COL6A5: variants seen among roughly 807,000 people sequenced by gnomAD.
The protein encoded by COL6A5 is collagen type VI alpha 5 chain.
Under a neutral mutation model 65.6 loss-of-function variants are expected in COL6A5, and 48 were observed. The ratio of observed to expected loss-of-function variants is 0.73; its 90% CI spans 0.58 to 0.93. The LOEUF is 0.93. COL6A5 is among the 40% of genes least tolerant of loss of function. The pLI is 0.00. For synonymous variants in COL6A5, 291 were observed against 322.8 expected (o/e 0.90, Z 1.05); for missense variants, 914 against 928.3 (o/e 0.98, Z 0.20).
At chr3:130,426,803 A>G (rs1406088213), upstream of COL6A5, among the ~76,000 whole-genome samples, 1 of 151,904 alleles carries the variant, frequency 6.6e-6, no homozygotes, top group Non-Finnish European at 1.5e-5. Flanking sequence ...CATGGGGGTA[A>G]CTGAATCCAG....
At chr3:130,434,981 T>A (rs1373711613) in intron 1 of COL6A5, among the ~76,000 whole-genome samples, 3 of 152,224 alleles carry the variant, frequency 2.0e-5, no homozygotes, top group Non-Finnish European at 4.4e-5. Flanking sequence ...TCGTTGCAAC[T>A]GCTTTTGGTG....
At chr3:130,363,625 G>C (rs1416461226) in intron 1 of COL6A5, among the ~76,000 whole-genome samples, 1 of 152,188 alleles carries the variant, frequency 6.6e-6, no homozygotes, top group African/African-American at 2.4e-5. Context: ...GTGCTGTGGT[G>C]TATTTAAAAA....
chr3:130,426,192 G>A, intron 29 of COL6A5, 22 bp from the exon 30 acceptor site: 1 of 1,550,370 alleles, frequency 6.5e-7, no homozygotes, highest in Non-Finnish European at 8.7e-7. Flanking sequence ...CCACTAACTT[G>A]CTCTGTTTTT....
At chr3:130,465,757 A>G (rs1392327901) in intron 5 of COL6A5, among the ~76,000 whole-genome samples, 1 of 152,084 alleles carries the variant, frequency 6.6e-6, no homozygotes, top group Non-Finnish European at 1.5e-5. Context: ...CCAAACCACA[A>G]CGGACACAGA....
chr3:130,460,537 G>A (rs1009741430), intron 5 of COL6A5, among the ~76,000 whole-genome samples: 3 of 152,114 alleles, frequency 2.0e-5, no homozygotes, highest in Non-Finnish European at 2.9e-5. Context: ...GTTCTAGAGT[G>A]TTGGTGACAT....
intron 8 of COL6A5, 118 bp downstream of exon 8, chr3:130,395,583 T>G (rs1936571454): frequency 1.3e-6 from 1 of 799,458 alleles, no homozygotes; most frequent in African/African-American, 1.8e-5. Flanking sequence ...TTAGTGAGAA[T>G]ATCTCACTTG....
At chr3:130,413,902 A>T (rs1177500678) in intron 21 of COL6A5, among the ~76,000 whole-genome samples, 167 bp from the exon 22 acceptor site, 1 of 151,884 alleles carries the variant, frequency 6.6e-6, no homozygotes, top group Non-Finnish European at 1.5e-5. Flanking sequence ...AAACAAGTTT[A>T]TGTTCATTCC....
chr3:130,388,896 G>A (rs1352609593), exon 6 of COL6A5: 7 of 1,547,512 alleles, frequency 4.5e-6, no homozygotes, highest in Non-Finnish European at 6.1e-6. Context: ...GGGCCCGTTT[G>A]GGGGCCAAAA....
chr3:130,430,711 C>T (rs1158541684), upstream of COL6A5, among the ~76,000 whole-genome samples: 3 of 152,188 alleles, frequency 2.0e-5, no homozygotes, highest in Non-Finnish European at 2.9e-5. Flanking sequence ...TTCCTCTTGC[C>T]ACCCTGGCCT....
chr3:130,468,941 T>C, exon 6 of COL6A5: 1 of 1,612,614 alleles, frequency 6.2e-7, no homozygotes, highest in Non-Finnish European at 8.5e-7. Flanking sequence ...AGTAAAAGCT[T>C]TTATAACCTC....
intron 4 of COL6A5, 95 bp from the exon 5 acceptor site, chr3:130,384,709 C>T: frequency 1.9e-6 from 2 of 1,027,058 alleles, no homozygotes; most frequent in Non-Finnish European, 2.8e-6. Context: ...AGTCTTCATT[C>T]TTTAGAAATG....
chr3:130,427,863 G>A (rs1937639476), upstream of COL6A5, among the ~76,000 whole-genome samples: 1 of 152,048 alleles, frequency 6.6e-6, no homozygotes, highest in Admixed American at 6.6e-5. Flanking sequence ...GGAGGCAATG[G>A]AGAGGAGGTT....
At chr3:130,389,112 CT>C (rs1421974840) in exon 6 of COL6A5, 4 of 1,440,864 alleles carry the variant, frequency 2.8e-6, no homozygotes, top group Non-Finnish European at 3.7e-6. Context: ...GGAAACTTAT[CT>C]TTCGTGTGTG....
chr3:130,406,119 G>A lies in COL6A5; in HGVS notation c.4381-12G>A, dbSNP rs1936982836. ...TGCTTTTACCTGATGCCTGTCTATTGTCATCTCTCAGGGAGGTCATGGAGA... is the reference window on the plus strand; with the variant it reads ...TGCTTTTACCTGATGCCTGTCTATTATCATCTCTCAGGGAGGTCATGGAGA... On this transcript the variant is annotated splice_polypyrimidine_tract_variant and intron_variant and NMD_transcript_variant, in intron 15 of 41. Coordinates refer to the COL6A5 transcript ENST00000312481. 9.0e-6 allele frequency: 14 copies of A among 1,549,208 alleles called. No individual in the cohort carries two copies. Among genetic ancestry groups the A allele is most frequent in the African/African-American group, 1.4e-5 (1 of 73,006 alleles).
rs760239177 is a variant in COL6A5 at position 130,443,543 on chromosome 3, GA to G, written c.1311del (p.Asn438IlefsTer28). On this transcript the variant is annotated frameshift_variant, in exon 4 of 8. Transcript: ENST00000512836. LOFTEE classifies it high-confidence loss of function. ...GTAGACTCATCAATTTAGGAGGAGAGAATATTCAAAATGATGGTTTCCAGTA... is the reference window on the plus strand; with the variant it reads ...GTAGACTCATCAATTTAGGAGGAGAGATATTCAAAATGATGGTTTCCAGTA... 6.2e-7 allele frequency: 1 copy of G among 1,609,622 alleles called. No individual in the cohort carries two copies. The highest frequency in any genetic ancestry group is 1.7e-5 in the Admixed American group (1 of 59,934).
chr3:130,394,746 C>A, intron 7 of COL6A5, 144 bp from the exon 8 acceptor site: 1 of 611,626 alleles, frequency 1.6e-6, no homozygotes, highest in Non-Finnish European at 2.8e-6. Context: ...TTTTGAGGAT[C>A]AGTGATTCTC....
intron 10 of COL6A5, among the ~76,000 whole-genome samples, chr3:130,398,705 C>G (rs1936703248): frequency 6.6e-6 from 1 of 152,064 alleles, no homozygotes; most frequent in Non-Finnish European, 1.5e-5. Context: ...GTTACCATGC[C>G]CCACGTTGGT....
At chr3:130,393,178 G>A (rs541225469) in intron 7 of COL6A5, among the ~76,000 whole-genome samples, 4 of 150,684 alleles carry the variant, frequency 2.7e-5, no homozygotes, top group South Asian at 2.1e-4. Flanking sequence ...TGCCCACCTC[G>A]CCAACCTCAT....
At chr3:130,428,311 G>C (rs1937652963), upstream of COL6A5, among the ~76,000 whole-genome samples, 1 of 152,096 alleles carries the variant, frequency 6.6e-6, no homozygotes, top group East Asian at 1.9e-4. Flanking sequence ...CATTTCCAAG[G>C]CTTCTCATCT....
Sources: gnomAD v4.1 joint callset for allele counts (sites outside exome capture counted in the v4.1 genomes callset) on GRCh38, gnomAD v4.1.1 for gene constraint, MANE v1.5 for transcripts, NCBI Gene and HGNC (gene_info 2026-07-23, HGNC 2026-07-21) for gene names.